The following POTEG variants were observed in gnomAD, a reference collection of about 807,000 sequenced individuals.
POTEG encodes the protein POTE ankyrin domain family member G.
Under a neutral mutation model 49.6 loss-of-function variants are expected in POTEG, and 2 were observed. The ratio of observed to expected loss-of-function variants is 0.04; its 90% CI spans 0.02 to 0.13. POTEG has a LOEUF of 0.13. POTEG is among the 10% of genes least tolerant of loss of function. The probability of loss-of-function intolerance (pLI) is 1.00; values close to 1 mark genes in which losing one functional copy is unlikely to be tolerated. For synonymous variants in POTEG, 7 were observed against 186.6 expected, an observed-to-expected ratio of 0.04 and a Z score of 7.84; for missense variants, 26 against 545.2, an observed-to-expected ratio of 0.05 and a Z score of 9.48.
chr14:19,432,300 A>G (rs1346327228), intron 1 of POTEG, among the ~76,000 whole-genome samples: 1 of 90,982 alleles, frequency 1.1e-5, no homozygotes, highest in Non-Finnish European at 2.3e-5. Context: ...GTGAGCCGAG[A>G]TCGCACCACT....
chr14:19,419,952 A>G (rs1311816575), intron 6 of POTEG, among the ~76,000 whole-genome samples: 3 of 143,842 alleles, frequency 2.1e-5, no homozygotes, highest in Non-Finnish European at 4.5e-5. Context: ...TAAAAAGTCT[A>G]TCATGAACTT....
At chr14:19,433,353 G>C (rs1339702836) in intron 1 of POTEG, among the ~76,000 whole-genome samples, 1 of 110,516 alleles carries the variant, frequency 9.0e-6, no homozygotes, top group African/African-American at 3.6e-5. Flanking sequence ...AGTGTACATT[G>C]ATATAAAATC....
At chr14:19,416,018 G>C (rs1352804593) in intron 7 of POTEG, among the ~76,000 whole-genome samples, 1 of 146,926 alleles carries the variant, frequency 6.8e-6, no homozygotes, top group Non-Finnish European at 1.5e-5. Flanking sequence ...CTAAGATTTT[G>C]TATTTTTAGT....
intron 6 of POTEG, chr14:19,421,374 T>TA: frequency 1.9e-6 from 1 of 524,878 alleles, no homozygotes; most frequent in Non-Finnish European, 3.2e-6. Context: ...TAAGACCATC[T>TA]AGTTGCAGAA....
intron 3 of POTEG, among the ~76,000 whole-genome samples, chr14:19,427,959 C>CCA (rs1240297178): frequency 1.2e-4 from 13 of 105,200 alleles, no homozygotes; most frequent in African/African-American, 4.8e-4. Flanking sequence ...AACAACAACA[C>CCA]CACACACACA....
chr14:19,420,375 GATA>G (rs1234803274), intron 6 of POTEG, among the ~76,000 whole-genome samples: 1 of 147,632 alleles, frequency 6.8e-6, no homozygotes, highest in East Asian at 2.0e-4. Flanking sequence ...AAATGACAAT[GATA>G]ATAACAAGCT....
At chr14:19,433,243 C>G (rs1415229066) in intron 1 of POTEG, among the ~76,000 whole-genome samples, 1 of 134,278 alleles carries the variant, frequency 7.4e-6, no homozygotes, top group Non-Finnish European at 1.6e-5. Context: ...CTCACATCTT[C>G]AGAAAATTCA....
At chr14:19,415,841 T>A (rs1451674758) in intron 7 of POTEG, among the ~76,000 whole-genome samples, 16 of 133,266 alleles carry the variant, frequency 1.2e-4, no homozygotes, top group East Asian at 6.6e-4. Flanking sequence ...TTTTTTTTTT[T>A]TTTTTTTTTT....
chr14:19,414,280 A>G (rs1883459843), intron 8 of POTEG, among the ~76,000 whole-genome samples: 1 of 143,998 alleles, frequency 6.9e-6, no homozygotes, highest in Non-Finnish European at 1.6e-5. Flanking sequence ...ATCAGACTAA[A>G]ACCAAGAAAG....
chr14:19,416,233 A>C (rs1417556734), intron 7 of POTEG, 55 bp downstream of exon 7: 4 of 1,582,192 alleles, frequency 2.5e-6, no homozygotes, highest in South Asian at 1.2e-5. Context: ...TAAAGCAAAA[A>C]AAAAAAAACA....
At chr14:19,432,574 T>C (rs1243326270) in intron 1 of POTEG, among the ~76,000 whole-genome samples, 4 of 82,010 alleles carry the variant, frequency 4.9e-5, no homozygotes, top group Non-Finnish European at 7.1e-5. Context: ...TATACTCTGA[T>C]TTTTGTGATA....
chr14:19,414,250 A>T (rs1333181656), intron 8 of POTEG, among the ~76,000 whole-genome samples: 1 of 141,314 alleles, frequency 7.1e-6, no homozygotes, highest in African/African-American at 2.5e-5. Flanking sequence ...TATCTACTTT[A>T]GCCACATTTT....
chr14:19,419,019 AAAAC>A (rs1263891393), intron 6 of POTEG, among the ~76,000 whole-genome samples: 2 of 116,628 alleles, frequency 1.7e-5, no homozygotes, highest in African/African-American at 7.7e-5. Context: ...AAAAAAAACA[AAAAC>A]AAAGGCCAAC....
chr14:19,427,611 T>C (rs1179727837), intron 3 of POTEG, among the ~76,000 whole-genome samples: 1 of 152,310 alleles, frequency 6.6e-6, no homozygotes, highest in Non-Finnish European at 1.5e-5. Context: ...CAACAGGATC[T>C]AGTCAACTCA....
Position 19,427,959 on chromosome 14 carries a change from CCA to C in POTEG, c.810+581_810+582del, listed in dbSNP as rs1240297178. On this transcript the variant is annotated intron_variant, in intron 3 of 10. Coordinates refer to ENST00000547848, the MANE Select transcript of POTEG (RefSeq NM_001005356.3). The stretch of plus-strand genomic sequence containing the variant: ...AAATAAATGAACAACAACAACAACA[CCA>C]CACACACACAACCTCTTCATGGTCT... Among the ~76,000 whole-genome samples the C allele has an allele frequency of 1.7e-4, 18 of 105,194 alleles. No individual in the cohort carries two copies. The East Asian group carries it at 5.0e-3, about 29-fold the overall frequency. The allele number at this position is 105,194 out of a possible 152,430, so 69.0% of individuals were successfully genotyped here.
chr14:19,427,436 G>A (rs1884001274), intron 3 of POTEG, among the ~76,000 whole-genome samples: 1 of 152,168 alleles, frequency 6.6e-6, no homozygotes, highest in Non-Finnish European at 1.5e-5. Context: ...TTACTGGGAT[G>A]CACAATTCTA....
At chr14:19,415,526 T>C (rs1224126772) in intron 7 of POTEG, among the ~76,000 whole-genome samples, 21 of 149,192 alleles carry the variant, frequency 1.4e-4, no homozygotes, top group Admixed American at 1.2e-3. Flanking sequence ...CAGTGTTACA[T>C]TGTTCATAAT....
At chr14:19,420,917 C>G in intron 6 of POTEG, 1 of 130,152 alleles carries the variant, frequency 7.7e-6, no homozygotes, top group East Asian at 2.4e-4. Flanking sequence ...CAATATATCT[C>G]TTTCCAACTT....
chr14:19,420,415 C>CTACA (rs1883713570), intron 6 of POTEG, among the ~76,000 whole-genome samples: 1 of 144,758 alleles, frequency 6.9e-6, no homozygotes, highest in Admixed American at 7.2e-5. Flanking sequence ...ATTGTTTGTG[C>CTACA]TCTGTAGCAT....
Sources: gnomAD v4.1 joint callset for allele counts (sites outside exome capture counted in the v4.1 genomes callset) on GRCh38, gnomAD v4.1.1 for gene constraint, MANE v1.5 for transcripts, NCBI Gene and HGNC (gene_info 2026-07-23, HGNC 2026-07-21) for gene names.